Variants in KALRN observed in about 807,000 individuals in gnomAD.
KALRN encodes the protein kalirin.
A neutral mutation model predicts 353.7 loss-of-function variants in KALRN; 70 were observed. The observed-to-expected ratio is 0.20, with a 90% confidence interval of 0.16 to 0.24. KALRN has a LOEUF of 0.24. Among genes scored for constraint, KALRN ranks in the 10% least tolerant of loss-of-function variants. The probability of loss-of-function intolerance (pLI) is 1.00; values close to 1 mark genes in which losing one functional copy is unlikely to be tolerated. For synonymous variants in KALRN, 1,391 were observed against 1,434.8 expected (o/e 0.97, Z 0.69); for missense variants, 2,791 against 3,756.7 (o/e 0.74, Z 6.72).
At chr3:124,284,306 A>G (rs1056132098) in intron 5 of KALRN, among the ~76,000 whole-genome samples, 7 of 152,124 alleles carry the variant, frequency 4.6e-5, no homozygotes, top group Non-Finnish European at 8.8e-5. Flanking sequence ...GTGATCTGGT[A>G]TCTCCCTATC....
chr3:124,079,960 A>G (rs2149311609), intron 1 of KALRN: 1 of 460,438 alleles, frequency 2.2e-6, no homozygotes, highest in Admixed American at 2.4e-5. Flanking sequence ...AAACAGTCAT[A>G]GTTCCATATT....
At chr3:124,217,480 A>G (rs1293447856) in intron 1 of KALRN, among the ~76,000 whole-genome samples, 1 of 152,088 alleles carries the variant, frequency 6.6e-6, no homozygotes, top group Non-Finnish European at 1.5e-5. Context: ...GTGTGCGTGT[A>G]TGGGTACGTA....
chr3:124,692,196 G>A (rs535617047), intron 51 of KALRN, among the ~76,000 whole-genome samples: 6 of 152,350 alleles, frequency 3.9e-5, no homozygotes, highest in East Asian at 3.9e-4. Context: ...CAGGTCAGGC[G>A]TTGAGAACCA....
intron 37 of KALRN, among the ~76,000 whole-genome samples, chr3:124,650,334 CTG>C (rs1282064352): frequency 1.3e-5 from 2 of 152,186 alleles, no homozygotes; most frequent in African/African-American, 4.8e-5. Context: ...AATTTGAAAA[CTG>C]AGAAAAACTG....
chr3:124,311,182 A>AGGC (rs1440563142), intron 6 of KALRN, among the ~76,000 whole-genome samples: 2 of 147,278 alleles, frequency 1.4e-5, no homozygotes, highest in African/African-American at 5.0e-5. Flanking sequence ...AACTCTGGAC[A>AGGC]GGCGCAGTGG....
chr3:124,377,802 A>T (rs868227489), intron 10 of KALRN, among the ~76,000 whole-genome samples: 85 of 152,094 alleles, frequency 5.6e-4, no homozygotes, highest in African/African-American at 1.9e-3. Flanking sequence ...AATATTATTC[A>T]TTTTTTCCTG....
chr3:124,143,666 C>A (rs2066916309), intron 1 of KALRN, among the ~76,000 whole-genome samples: 1 of 152,028 alleles, frequency 6.6e-6, no homozygotes, highest in Non-Finnish European at 1.5e-5. Context: ...GAGAAACATA[C>A]CAGAAAATAC....
chr3:124,554,994 A>G (rs2071037221), intron 33 of KALRN, among the ~76,000 whole-genome samples: 1 of 152,170 alleles, frequency 6.6e-6, no homozygotes, highest in Admixed American at 6.5e-5. Context: ...TCTCCATTCT[A>G]CATTTAAGCC....
At position 124,175,122 on chromosome 3, in the gene KALRN, G is replaced by A. The variant is rs528849968; in HGVS notation, c.74-52868G>A. Among the ~76,000 whole-genome samples, 18 of 152,362 alleles carry A rather than the reference G, an allele frequency of 1.2e-4. No homozygotes were observed. In the East Asian group the frequency reaches 2.5e-3, roughly 21 times the overall value. On this transcript the variant is annotated intron_variant, in intron 1 of 59. Transcript: ENST00000682506. ...AGCTGGCAGGCACAGCCCAGCCCAC[G>A]TGTGCATCCAGGAGAGGCTTTGGTT...
chr3:124,585,550 C>T (rs1272047593), intron 34 of KALRN, among the ~76,000 whole-genome samples: 1 of 152,046 alleles, frequency 6.6e-6, no homozygotes, highest in Non-Finnish European at 1.5e-5. Context: ...GTGGAAGAGA[C>T]TTGCAGGAAG....
At chr3:124,140,393 T>A (rs1033394426) in intron 1 of KALRN, among the ~76,000 whole-genome samples, 4 of 152,218 alleles carry the variant, frequency 2.6e-5, no homozygotes, top group Admixed American at 1.3e-4. Flanking sequence ...ATAGAAGTGA[T>A]ATTTTAGGGG....
intron 1 of KALRN, among the ~76,000 whole-genome samples, chr3:124,037,349 G>T (rs997183706): frequency 6.6e-6 from 1 of 152,208 alleles, no homozygotes; most frequent in African/African-American, 2.4e-5. Context: ...TGAAGAATGG[G>T]CAGTGGCACA....
intron 5 of KALRN, among the ~76,000 whole-genome samples, chr3:124,286,416 T>C (rs1320292018): frequency 6.6e-6 from 1 of 151,900 alleles, no homozygotes; most frequent in Non-Finnish European, 1.5e-5. Context: ...CACGCCTGGC[T>C]ATATTTTTGT....
intron 34 of KALRN, among the ~76,000 whole-genome samples, chr3:124,603,160 T>A (rs773538136): frequency 1.3e-5 from 2 of 152,194 alleles, no homozygotes; most frequent in Admixed American, 6.5e-5. Flanking sequence ...CACAGACTTT[T>A]ATACCCTAAA....
At chr3:124,546,571 T>C (rs1251090208) in intron 33 of KALRN, among the ~76,000 whole-genome samples, 1 of 151,938 alleles carries the variant, frequency 6.6e-6, no homozygotes, top group Non-Finnish European at 1.5e-5. Context: ...GGAAGCTGGG[T>C]TGGGGGTTAG....
intron 1 of KALRN, among the ~76,000 whole-genome samples, chr3:124,217,030 C>T (rs1579516283): frequency 6.6e-6 from 1 of 152,288 alleles, no homozygotes; most frequent in East Asian, 1.9e-4. Flanking sequence ...TGCTTTTTCA[C>T]ATTTTAGAGA....
At chr3:124,528,034 G>A (rs148994951) in intron 33 of KALRN, among the ~76,000 whole-genome samples, 73 of 152,312 alleles carry the variant, frequency 4.8e-4, no homozygotes, top group African/African-American at 1.7e-3. Context: ...ATTCTGAATA[G>A]TGTGACAGGT....
intron 1 of KALRN, among the ~76,000 whole-genome samples, chr3:124,174,709 C>G (rs368854005): frequency 6.6e-6 from 1 of 152,202 alleles, no homozygotes; most frequent in African/African-American, 2.4e-5. Flanking sequence ...CCTCTGCCAA[C>G]TCCTCTCCCC....
intron 33 of KALRN, among the ~76,000 whole-genome samples, chr3:124,553,223 T>C (rs564875240): frequency 2.2e-4 from 34 of 152,348 alleles, no homozygotes; most frequent in African/African-American, 8.2e-4. Context: ...ATCCTTCCAA[T>C]AACTCTATAT....
Sources: allele counts gnomAD v4.1 joint callset (sites outside exome capture counted in the v4.1 genomes callset), GRCh38; gene constraint gnomAD v4.1.1; transcripts MANE v1.5; gene names NCBI Gene and HGNC (gene_info 2026-07-23, HGNC 2026-07-21).